ATP11A: variants seen among roughly 807,000 people sequenced by gnomAD.
The protein encoded by ATP11A is phospholipid-transporting ATPase IH.
In ATP11A, 81 loss-of-function variants were observed where a neutral mutation model predicts 154.4. The observed-to-expected ratio is 0.52, with a 90% CI of 0.44 to 0.63. The LOEUF is 0.63. ATP11A is among the 30% of genes least tolerant of loss of function. The pLI is 0.00. For missense variants in ATP11A, 1,316 were observed against 1,474.3 expected (o/e 0.89, Z 1.76); for synonymous variants, 623 against 585.9 (o/e 1.06, Z -0.91).
At chr13:112,850,977 C>T (rs1002722073) in intron 17 of ATP11A, 60 bp from the exon 18 acceptor site, 10 of 1,523,452 alleles carry the variant, frequency 6.6e-6, no homozygotes, top group Admixed American at 5.4e-5. Context: ...GGCCGTGGAG[C>T]GTAATATTTC....
At chr13:112,810,315 T>A (rs2078453222) in intron 4 of ATP11A, among the ~76,000 whole-genome samples, 1 of 152,254 alleles carries the variant, frequency 6.6e-6, no homozygotes, top group Non-Finnish European at 1.5e-5. Flanking sequence ...CCTAAGTCCA[T>A]GTCATGAATA....
intron 25 of ATP11A, among the ~76,000 whole-genome samples, chr13:112,868,294 C>T (rs755832826): frequency 5.3e-5 from 8 of 152,196 alleles, no homozygotes; most frequent in African/African-American, 9.7e-5. Context: ...CACTCATGAC[C>T]GTGACCTTGA....
intron 1 of ATP11A, among the ~76,000 whole-genome samples, chr13:112,761,032 G>A (rs419334): frequency 0.2 from 30,265 of 152,132 alleles, 3,456 homozygotes; most frequent in African/African-American, 0.31. Flanking sequence ...TCTGGGGAGC[G>A]TGGTGAAACC....
Position 112,859,521 on chromosome 13 carries a change from G to A in ATP11A, c.2727+69G>A, listed in dbSNP as rs1555340689. The A allele has an allele frequency of 9.0e-6, 12 of 1,337,978 alleles. No individual in the cohort carries two copies. The South Asian group carries it at 1.3e-4, about 14-fold the overall frequency. The allele number at this position is 1,337,978 out of a possible 1,614,324, so 82.9% of individuals were successfully genotyped here. A position where few individuals can be genotyped will look rare whatever the true frequency, so the allele number is the denominator to read the frequency against. On this transcript the variant is annotated intron_variant, in intron 23 of 29. Coordinates refer to ENST00000375645, the MANE Select transcript of ATP11A (RefSeq NM_015205.3). The surrounding 1 kb of genome is among the most constrained non-coding windows in gnomAD (Gnocchi z 4.3). ...TTCCTTCCCGCAGTGGGTGGCTGCT[G>A]TGGGGAGGGGAGACTTGGGAATGAG...
chr13:112,878,583 G>A (rs935460777), intron 29 of ATP11A: 1 of 518,038 alleles, frequency 1.9e-6, no homozygotes, highest in East Asian at 3.3e-5. Context: ...ACAGCTGACA[G>A]CGGAGAGCTG....
In ATP11A at chr13:112,807,175, G is replaced by A. The variant is rs369754075; in HGVS notation, c.333+882G>A. 1.9e-3 allele frequency among the ~76,000 whole-genome samples: 286 copies of A among 152,332 alleles called. 1 individual carries two copies. Among genetic ancestry groups the A allele is most frequent in the African/African-American group, 6.5e-3 (270 of 41,574 alleles). ...CATGGCGAGGGAGGCACCACGGGCC[G>A]CCGGCAGGAGCGTGGCGGAGCCACC... is the stretch of plus-strand genomic sequence containing the variant. On this transcript the variant is annotated intron_variant, in intron 4 of 29. Coordinates refer to ENST00000375645, the MANE Select transcript of ATP11A (RefSeq NM_015205.3). This position sits in a 1 kb window ranked among gnomAD's most constrained non-coding sequence, Gnocchi z 4.5.
intron 16 of ATP11A, 40 bp downstream of exon 16, chr13:112,836,291 G>T: frequency 7.5e-7 from 1 of 1,326,876 alleles, no homozygotes; most frequent in Non-Finnish European, 1.1e-6. Context: ...AGTTATACGT[G>T]GTGGTTGTGT....
chr13:112,857,862 AG>A lies in ATP11A; in HGVS notation c.2464del (p.Ala822GlnfsTer11). The A allele has an allele frequency of 6.2e-7, 1 of 1,614,238 alleles. No individual in the cohort carries two copies. The highest frequency in any genetic ancestry group is 8.5e-7 in the Non-Finnish European group (1 of 1,180,028). On this transcript the variant is annotated frameshift_variant, in exon 21 of 30. Transcript: ENST00000375645. ...KFSKEHPITL[A>X]IGDGANDVSM... ...TTTCAAAAGAGCACCCAATCACGTT[AG>A]CAATTGGCGATGGTGCAAATGATGT...
intron 20 of ATP11A, among the ~76,000 whole-genome samples, chr13:112,857,295 A>G (rs1255547364): frequency 6.6e-6 from 1 of 152,262 alleles, no homozygotes; most frequent in African/African-American, 2.4e-5. Flanking sequence ...ATTTTTACAT[A>G]AAATTGTCAT....
intron 8 of ATP11A, among the ~76,000 whole-genome samples, chr13:112,821,538 C>T (rs886201874): frequency 1.3e-5 from 2 of 152,168 alleles, no homozygotes; most frequent in South Asian, 2.1e-4. Context: ...AGTCTCAAAA[C>T]GCCCTCAGGT....
chr13:112,690,854 G>C lies in ATP11A; in HGVS notation c.39+399G>C, dbSNP rs1056471430. On this transcript the variant is annotated intron_variant, in intron 1 of 29. Coordinates refer to ENST00000375645, the MANE Select transcript of ATP11A (RefSeq NM_015205.3). This position sits in a 1 kb window ranked among gnomAD's most constrained non-coding sequence, Gnocchi z 5.6. The stretch of plus-strand genomic sequence containing the variant: ...GCCCGGGTCTGGGGAGGAACCTTCA[G>C]ATGCGGCTTCCGCGCAGCCGTGTCT... Among the ~76,000 whole-genome samples the C allele has an allele frequency of 2.9e-4, 44 of 152,242 alleles. 1 individual carries two copies. The highest frequency in any genetic ancestry group is 1.1e-3 in the African/African-American group (44 of 41,472).
intron 25 of ATP11A, among the ~76,000 whole-genome samples, chr13:112,870,628 C>T (rs1347291977): frequency 7.2e-5 from 11 of 152,232 alleles, no homozygotes; most frequent in African/African-American, 1.9e-4. Context: ...CCGCCCACCT[C>T]GGCCTCCCAA....
In ATP11A at chr13:112,785,855, A is replaced by G. The variant is rs889851505; in HGVS notation, c.162+598A>G. On this transcript the variant is annotated intron_variant, in intron 2 of 29. Transcript: ENST00000375645. The surrounding 1 kb of genome is among the most constrained non-coding windows in gnomAD (Gnocchi z 4.8). ...AGAGAGTGACCTGGAAACAGGTCTTAAGAACAAGGTGGAAATTTAGCTGCT... is the reference window on the plus strand; with the variant it reads ...AGAGAGTGACCTGGAAACAGGTCTTGAGAACAAGGTGGAAATTTAGCTGCT... Among the ~76,000 whole-genome samples, 2 of 152,264 alleles carry G rather than the reference A, an allele frequency of 1.3e-5. No homozygotes were observed. The highest frequency in any genetic ancestry group is 6.5e-5 in the Admixed American group (1 of 15,292).
chr13:112,799,287 T>C (rs1260311018), intron 2 of ATP11A, among the ~76,000 whole-genome samples: 1 of 152,198 alleles, frequency 6.6e-6, no homozygotes, highest in Non-Finnish European at 1.5e-5. Context: ...GTCCCTTGGA[T>C]CTAATGGACC....
chr13:112,808,873 G>A (rs7317029), intron 4 of ATP11A, among the ~76,000 whole-genome samples: 10,566 of 152,188 alleles, frequency 0.069, 602 homozygotes, highest in African/African-American at 0.15. Flanking sequence ...GGGCCTCCAC[G>A]TGTCCTTCCC....
intron 1 of ATP11A, among the ~76,000 whole-genome samples, chr13:112,755,772 A>G (rs953064801): frequency 6.1e-5 from 9 of 147,694 alleles, no homozygotes; most frequent in Non-Finnish European, 1.3e-4. Context: ...TCCCAGAACC[A>G]TTTCCGGTCA....
intron 1 of ATP11A, among the ~76,000 whole-genome samples, chr13:112,744,308 G>T (rs1331023042): frequency 2.0e-5 from 3 of 151,370 alleles, no homozygotes; most frequent in Non-Finnish European, 4.4e-5. Context: ...ATGGAGTATG[G>T]TGTTCTGTAT....
chr13:112,868,362 G>A (rs945971), intron 25 of ATP11A, among the ~76,000 whole-genome samples: 60,656 of 152,128 alleles, frequency 0.4, 12,294 homozygotes, highest in Middle Eastern at 0.46. Flanking sequence ...AAATGGGTCT[G>A]GTCTGAGGAC....
chr13:112,858,166 G>T lies in ATP11A; in HGVS notation c.2543G>T (p.Arg848Leu). ...CTAGGTGTCATCGGCAAGGAAGGCCGCCAGGCTGCCAGGAACAGCGACTAT... is the reference window on the plus strand; with the variant it reads ...CTAGGTGTCATCGGCAAGGAAGGCCTCCAGGCTGCCAGGAACAGCGACTAT... ...VGIGVIGKEGRQAARNSDYAI... is the reference protein window; with the variant it reads ...VGIGVIGKEGLQAARNSDYAI... Residue 848 changes from arginine (R) to leucine (L), a missense_variant, in exon 22 of 30, where the codon CGC (arginine) becomes CTC (leucine). Arg to Leu is a moderately radical substitution (Grantham distance 102). Around this residue, in one of 5 missense-constraint regions of ATP11A, gnomAD observed 876 missense variants for 1,006.8 expected, o/e 0.87. Coordinates refer to ENST00000375645, the MANE Select transcript of ATP11A (RefSeq NM_015205.3). 2.5e-6 allele frequency: 4 copies of T among 1,613,646 alleles called. No individual in the cohort carries two copies. Among genetic ancestry groups the T allele is most frequent in the Non-Finnish European group, 3.4e-6 (4 of 1,179,812 alleles).
Sources: allele counts gnomAD v4.1 joint callset (sites outside exome capture counted in the v4.1 genomes callset), GRCh38; gene constraint gnomAD v4.1.1; regional missense constraint gnomAD v4.1.1; non-coding constraint Gnocchi (gnomAD v3.1); transcripts MANE v1.5; gene names NCBI Gene and HGNC (gene_info 2026-07-23, HGNC 2026-07-21).